Variants in GRIK3 observed in about 807,000 individuals in gnomAD.
GRIK3 encodes glutamate receptor ionotropic, kainate 3.
GRIK3 carries 29 observed loss-of-function variants against 102.5 expected under a neutral mutation model. The observed-to-expected ratio is 0.28, with a 90% CI of 0.21 to 0.39. The LOEUF is 0.39. Ranked by LOEUF, GRIK3 falls within the 10% of genes least tolerant of loss-of-function variation. GRIK3 has a pLI of 1.00. For missense variants in GRIK3, 908 were observed against 1,252.4 expected (o/e 0.73, Z 4.15); for synonymous variants, 511 against 504.9 (o/e 1.01, Z -0.16).
chr1:37,030,028 G>A (rs494948), intron 1 of GRIK3, among the ~76,000 whole-genome samples: 26,263 of 152,200 alleles, frequency 0.17, 3,218 homozygotes, highest in African/African-American at 0.34. Context: ...AGCGAAGTGC[G>A]AGGCAGGCAT....
At chr1:36,901,930 T>C (rs1641235881) in intron 1 of GRIK3, among the ~76,000 whole-genome samples, 1 of 152,218 alleles carries the variant, frequency 6.6e-6, no homozygotes, top group Non-Finnish European at 1.5e-5. Flanking sequence ...CTTTTCTATA[T>C]ACCAGCAATG....
rs1304076921 is a variant in GRIK3 at position 36,959,099 on chromosome 1, A to G, written c.116-68003T>C. On this transcript the variant is annotated intron_variant, in intron 1 of 15. Coordinates refer to ENST00000373091, the MANE Select transcript of GRIK3 (RefSeq NM_000831.4). ...AGCGTCTATGACCTGTGAGTCTGTG[A>G]GTCTGTGCCCCATGACTCTGTGCCC... 1.1e-4 allele frequency among the ~76,000 whole-genome samples: 12 copies of G among 112,192 alleles called. 2 individuals are homozygous for G. The highest frequency in any genetic ancestry group is 3.9e-4 in the African/African-American group (12 of 30,606). 73.6% of individuals were successfully genotyped at this position (112,192 alleles called of 152,430 possible). A position where few individuals can be genotyped will look rare whatever the true frequency, so the allele number is the denominator to read the frequency against.
At chr1:36,951,269 C>A (rs1326541118) in intron 1 of GRIK3, among the ~76,000 whole-genome samples, 3 of 152,214 alleles carry the variant, frequency 2.0e-5, no homozygotes, top group African/African-American at 2.4e-5. Flanking sequence ...AGGGAAGGAC[C>A]AACAGAATGC....
chr1:36,875,253 TTTTG>T (rs535182855), intron 3 of GRIK3, among the ~76,000 whole-genome samples: 4 of 152,158 alleles, frequency 2.6e-5, no homozygotes, highest in African/African-American at 4.8e-5. Flanking sequence ...CATCCCAGGT[TTTTG>T]TTTGTTTGTT....
intron 1 of GRIK3, 102 bp downstream of exon 1, chr1:37,033,892 C>T (rs766797126): frequency 6.1e-5 from 37 of 609,416 alleles, no homozygotes; most frequent in Non-Finnish European, 6.0e-5. Context: ...CTCAGCAGCT[C>T]GGAGAGAGGT....
intron 3 of GRIK3, among the ~76,000 whole-genome samples, chr1:36,878,679 C>A (rs1333797168): frequency 6.6e-6 from 1 of 152,192 alleles, no homozygotes; most frequent in Non-Finnish European, 1.5e-5. Flanking sequence ...AGAAACAGCT[C>A]CATGCTGGCT....
intron 1 of GRIK3, among the ~76,000 whole-genome samples, chr1:36,939,170 C>T (rs906196966): frequency 6.6e-6 from 1 of 152,238 alleles, no homozygotes; most frequent in Non-Finnish European, 1.5e-5. Flanking sequence ...TTCCACCACA[C>T]AACGCATGGA....
intron 1 of GRIK3, among the ~76,000 whole-genome samples, chr1:37,022,901 A>C (rs1200013646): frequency 2.6e-5 from 4 of 152,254 alleles, no homozygotes; most frequent in Non-Finnish European, 4.4e-5. Context: ...TAAGAATTAT[A>C]ATACAGCAAG....
intron 1 of GRIK3, among the ~76,000 whole-genome samples, chr1:36,915,094 A>C (rs1641384410): frequency 6.6e-6 from 1 of 152,220 alleles, no homozygotes; most frequent in Admixed American, 6.5e-5. Flanking sequence ...TCCTCCATTC[A>C]GCCCTTCCTT....
chr1:36,916,832 C>T (rs190221871), intron 1 of GRIK3, among the ~76,000 whole-genome samples: 5 of 152,238 alleles, frequency 3.3e-5, no homozygotes, highest in East Asian at 3.9e-4. Flanking sequence ...GCTAGGGTAG[C>T]GCAGAAGGGA....
chr1:36,802,888 A>G (rs1642457405), intron 15 of GRIK3, among the ~76,000 whole-genome samples: 1 of 151,864 alleles, frequency 6.6e-6, no homozygotes, highest in African/African-American at 2.4e-5. Context: ...CTCACCTACT[A>G]CATGCAGAAT....
chr1:37,031,403 C>T (rs533104267), intron 1 of GRIK3, among the ~76,000 whole-genome samples: 99 of 152,288 alleles, frequency 6.5e-4, no homozygotes, highest in African/African-American at 2.2e-3. Context: ...CTATTCAAGA[C>T]GGATTGTTTG....
At chr1:36,802,375 G>A (rs559692616) in intron 15 of GRIK3, among the ~76,000 whole-genome samples, 6 of 152,268 alleles carry the variant, frequency 3.9e-5, no homozygotes, top group Non-Finnish European at 5.9e-5. Context: ...CACTAGACTC[G>A]GAGGGCAGGA....
At chr1:36,972,593 AGGTTAC>A (rs1179070074) in intron 1 of GRIK3, among the ~76,000 whole-genome samples, 1 of 152,164 alleles carries the variant, frequency 6.6e-6, no homozygotes, top group African/African-American at 2.4e-5. Context: ...GGGCTGAGCC[AGGTTAC>A]GTTCAGGGAG....
chr1:36,860,898 C>T (rs567859808), intron 5 of GRIK3, among the ~76,000 whole-genome samples: 1 of 152,296 alleles, frequency 6.6e-6, no homozygotes, highest in Admixed American at 6.5e-5. Flanking sequence ...ACATAGTTTA[C>T]CAGGCCCTCC....
intron 2 of GRIK3, among the ~76,000 whole-genome samples, chr1:36,881,483 G>C (rs1461315722): frequency 1.3e-5 from 2 of 151,966 alleles, no homozygotes; most frequent in Non-Finnish European, 2.9e-5. Context: ...AAAAACCATG[G>C]TTCTGTCTTG....
intron 1 of GRIK3, among the ~76,000 whole-genome samples, chr1:37,020,991 G>A (rs567285722): frequency 5.9e-5 from 9 of 152,202 alleles, no homozygotes; most frequent in African/African-American, 1.4e-4. Flanking sequence ...TATTTCTCTC[G>A]CAGTGTGGAA....
intron 1 of GRIK3, among the ~76,000 whole-genome samples, chr1:37,003,269 G>T (rs939137790): frequency 7.9e-5 from 12 of 152,122 alleles, no homozygotes; most frequent in Non-Finnish European, 1.5e-4. Context: ...CATATTAAAT[G>T]TAATTCATGT....
At chr1:36,943,497 G>C (rs1404883900) in intron 1 of GRIK3, among the ~76,000 whole-genome samples, 1 of 152,182 alleles carries the variant, frequency 6.6e-6, no homozygotes, top group East Asian at 1.9e-4. Flanking sequence ...GTTATTTTCA[G>C]GAGCTGAGCT....
Sources: gnomAD v4.1 joint callset for allele counts (sites outside exome capture counted in the v4.1 genomes callset) on GRCh38, gnomAD v4.1.1 for gene constraint, MANE v1.5 for transcripts, NCBI Gene and HGNC (gene_info 2026-07-23, HGNC 2026-07-21) for gene names.